The following ITGBL1 variants were observed in gnomAD, a reference collection of about 807,000 sequenced individuals.
The protein encoded by ITGBL1 is integrin subunit beta like 1, also known as integrin beta-like protein 1.
Under a neutral mutation model 68.5 loss-of-function variants are expected in ITGBL1, and 51 were observed. The ratio of observed to expected loss-of-function variants is 0.74; its 90% CI spans 0.59 to 0.94. The LOEUF (loss-of-function observed/expected upper bound fraction) is 0.94. Ranked by LOEUF, ITGBL1 falls within the 40% of genes least tolerant of loss-of-function variation. The probability of loss-of-function intolerance (pLI) is 0.00; values close to 1 mark genes in which losing one functional copy is unlikely to be tolerated. For synonymous variants in ITGBL1, 209 were observed against 227.3 expected, an observed-to-expected ratio of 0.92 and a Z score of 0.72; for missense variants, 649 against 647.4, an observed-to-expected ratio of 1.00 and a Z score of -0.03.
intron 7 of ITGBL1, among the ~76,000 whole-genome samples, chr13:101,643,022 G>A (rs1426196557): frequency 2.0e-5 from 3 of 147,794 alleles, no homozygotes; most frequent in Non-Finnish European, 4.5e-5. Flanking sequence ...TGTTCTTTTG[G>A]CTTAGGATTG....
chr13:101,691,929 A>G (rs2033890400), intron 7 of ITGBL1, among the ~76,000 whole-genome samples: 1 of 152,214 alleles, frequency 6.6e-6, no homozygotes, highest in Non-Finnish European at 1.5e-5. Flanking sequence ...CACTCAATAA[A>G]TCATGATGAA....
intron 8 of ITGBL1, among the ~76,000 whole-genome samples, chr13:101,705,311 AAC>A: frequency 5.1e-5 from 7 of 136,800 alleles, no homozygotes; most frequent in African/African-American, 1.4e-4. Flanking sequence ...AAAAAAAAAC[AAC>A]AACAACAAAA....
intron 6 of ITGBL1, among the ~76,000 whole-genome samples, chr13:101,590,928 G>A (rs2050641573): frequency 1.3e-5 from 2 of 151,852 alleles, no homozygotes; most frequent in South Asian, 4.2e-4. Context: ...TTTTGAGTTG[G>A]AATTTCCCTG....
intron 10 of ITGBL1, chr13:101,714,872 A>G (rs2034642234): frequency 3.3e-6 from 1 of 305,994 alleles, no homozygotes; most frequent in Non-Finnish European, 6.1e-6. Flanking sequence ...CAACCATTTT[A>G]CTTTGAACAT....
At chr13:101,569,701 G>T (rs966177106) in intron 3 of ITGBL1, among the ~76,000 whole-genome samples, 2 of 152,092 alleles carry the variant, frequency 1.3e-5, no homozygotes, top group African/African-American at 4.8e-5. Context: ...ACTTATCTTG[G>T]ATTTGTCTGA....
chr13:101,581,867 A>G (rs1021592604), intron 5 of ITGBL1, among the ~76,000 whole-genome samples: 6 of 152,212 alleles, frequency 3.9e-5, no homozygotes, highest in African/African-American at 1.4e-4. Context: ...AGAAAGTTGT[A>G]CCATTTCGTA....
At chr13:101,671,052 T>C (rs1484757195) in intron 7 of ITGBL1, among the ~76,000 whole-genome samples, 1 of 152,184 alleles carries the variant, frequency 6.6e-6, no homozygotes, top group African/African-American at 2.4e-5. Context: ...TTTTAAACCA[T>C]AGTTATTCTA....
chr13:101,607,551 C>G (rs372560002), intron 7 of ITGBL1, among the ~76,000 whole-genome samples: 1 of 151,122 alleles, frequency 6.6e-6, no homozygotes, highest in African/African-American at 2.4e-5. Context: ...TATATTCTTG[C>G]AGCAGGATTC....
intron 2 of ITGBL1, among the ~76,000 whole-genome samples, chr13:101,506,757 T>A (rs1283846774): frequency 6.6e-6 from 1 of 152,238 alleles, no homozygotes; most frequent in Non-Finnish European, 1.5e-5. Context: ...TTTATTTCCT[T>A]TGACTTGTGT....
At chr13:101,478,508 T>G (rs1179654129) in intron 2 of ITGBL1, among the ~76,000 whole-genome samples, 1 of 151,888 alleles carries the variant, frequency 6.6e-6, no homozygotes, top group East Asian at 1.9e-4. Context: ...AAAGAAATAA[T>G]GTTCATCCAC....
intron 8 of ITGBL1, among the ~76,000 whole-genome samples, chr13:101,699,365 T>C (rs1179174473): frequency 1.3e-5 from 2 of 152,158 alleles, no homozygotes; most frequent in East Asian, 3.9e-4. Flanking sequence ...ACGTTTATCA[T>C]TGTTATGGTT....
chr13:101,482,692 T>C (rs1357460068), intron 2 of ITGBL1, among the ~76,000 whole-genome samples: 1 of 152,126 alleles, frequency 6.6e-6, no homozygotes, highest in African/African-American at 2.4e-5. Context: ...GGCAGATGTT[T>C]TTCAAATACT....
chr13:101,647,399 A>G (rs962849000), intron 7 of ITGBL1, among the ~76,000 whole-genome samples: 2 of 152,214 alleles, frequency 1.3e-5, no homozygotes, highest in Middle Eastern at 3.2e-3. Flanking sequence ...AAAAATTAAT[A>G]TGTGGTTCAG....
chr13:101,689,374 A>G (rs1348236337), intron 7 of ITGBL1, among the ~76,000 whole-genome samples: 1 of 152,138 alleles, frequency 6.6e-6, no homozygotes, highest in Non-Finnish European at 1.5e-5. Flanking sequence ...TAGGTATATG[A>G]TAATGACTGA....
rs1220142097 is a variant in ITGBL1, at chr13:101,671,441, T to TG, written c.1016-21144_1016-21143insG. On this transcript the variant is annotated intron_variant, in intron 7 of 10. Transcript: ENST00000376180. ...GTATACCTTTGTTTTTTTTTTGTTT[T>TG]TTTTTGTTTTTTTTTGAGACGGAGT... Among the ~76,000 whole-genome samples the TG allele has an allele frequency of 9.4e-4, 86 of 91,814 alleles. 8 individuals carry two copies. The South Asian group carries it at 9.9e-3, about 11-fold the overall frequency. The allele number at this position is 91,814 out of a possible 152,430, so 60.2% of individuals were successfully genotyped here. A position where few individuals can be genotyped will look rare whatever the true frequency, so the allele number is the denominator to read the frequency against.
At position 101,578,127 on chromosome 13, in the gene ITGBL1, A is replaced by G. The variant is rs2050393993; in HGVS notation, c.587-1160A>G. 1.3e-5 allele frequency among the ~76,000 whole-genome samples: 2 copies of G among 152,150 alleles called. 1 individual carries two copies. Among genetic ancestry groups the G allele is most frequent in the South Asian group, 4.1e-4 (2 of 4,826 alleles). ...TGGAAGTCTCATCTGCTGGACATGA[A>G]TAGCGTAGGATACCAGAATATTCTG... On this transcript the variant is annotated intron_variant, in intron 4 of 10. Transcript: ENST00000376180.
intron 2 of ITGBL1, among the ~76,000 whole-genome samples, chr13:101,461,210 A>G (rs1259885021): frequency 6.6e-6 from 1 of 152,236 alleles, no homozygotes; most frequent in South Asian, 2.1e-4. Context: ...TTTGCAAAAC[A>G]TAAACCTCCC....
chr13:101,638,339 C>A (rs908291173), intron 7 of ITGBL1, among the ~76,000 whole-genome samples: 2 of 152,094 alleles, frequency 1.3e-5, no homozygotes, highest in African/African-American at 4.8e-5. Context: ...AAAGAGCATA[C>A]CCTTCCACCT....
At chr13:101,512,304 T>C (rs1337333481) in intron 2 of ITGBL1, among the ~76,000 whole-genome samples, 4 of 152,112 alleles carry the variant, frequency 2.6e-5, no homozygotes, top group Admixed American at 2.6e-4. Context: ...CTGGGTCCAC[T>C]CGTGCTTCTC....
Sources: allele counts gnomAD v4.1 joint callset (sites outside exome capture counted in the v4.1 genomes callset), GRCh38; gene constraint gnomAD v4.1.1; transcripts MANE v1.5; gene names NCBI Gene and HGNC (gene_info 2026-07-23, HGNC 2026-07-21).